Variants in NTRK3 observed in about 807,000 individuals in gnomAD.
NTRK3 encodes the protein NT-3 growth factor receptor.
Under a neutral mutation model 91.7 loss-of-function variants are expected in NTRK3, and 24 were observed. The observed-to-expected ratio is 0.26, with a 90% CI of 0.19 to 0.37. The LOEUF is 0.37. Ranked by LOEUF, NTRK3 falls within the 10% of genes least tolerant of loss-of-function variation. The probability of loss-of-function intolerance (pLI) is 1.00; values close to 1 mark genes in which losing one functional copy is unlikely to be tolerated. For missense variants in NTRK3, 880 were observed against 1,068.9 expected (o/e 0.82, Z 2.46); for synonymous variants, 483 against 404.0 (o/e 1.20, Z -2.34).
intron 17 of NTRK3, among the ~76,000 whole-genome samples, chr15:87,909,882 G>A (rs2066987230): frequency 6.6e-6 from 1 of 152,202 alleles, no homozygotes; most frequent in Non-Finnish European, 1.5e-5. Flanking sequence ...CTGAATGAAT[G>A]AACCCTGTTG....
chr15:88,022,307 AC>A (rs2077657138), intron 14 of NTRK3, among the ~76,000 whole-genome samples: 1 of 152,132 alleles, frequency 6.6e-6, no homozygotes, highest in African/African-American at 2.4e-5. Flanking sequence ...CAGGAGAAGC[AC>A]CAAAAAACCC....
At chr15:88,136,136 C>T (rs2041856173) in intron 8 of NTRK3, 96 bp from the exon 9 acceptor site, 2 of 1,487,066 alleles carry the variant, frequency 1.3e-6, no homozygotes, top group Admixed American at 3.3e-5. Context: ...AAAAGGAAAG[C>T]TGAGCGGAAG....
intron 17 of NTRK3, among the ~76,000 whole-genome samples, chr15:87,899,016 C>T (rs1257117703): frequency 2.6e-5 from 4 of 152,082 alleles, no homozygotes. Flanking sequence ...CATAACAACT[C>T]TAATTGCAAC....
At chr15:87,942,767 G>A (rs760556806) in intron 14 of NTRK3, among the ~76,000 whole-genome samples, 11 of 152,212 alleles carry the variant, frequency 7.2e-5, no homozygotes, top group Non-Finnish European at 1.6e-4. Flanking sequence ...GGGGAGAATA[G>A]TACGAGTTTA....
intron 13 of NTRK3, among the ~76,000 whole-genome samples, chr15:88,053,399 T>C (rs2045402499): frequency 1.3e-5 from 2 of 152,178 alleles, no homozygotes; most frequent in African/African-American, 4.8e-5. Flanking sequence ...TTAAGAGGGT[T>C]CCTGGGACTG....
At chr15:88,050,565 ACTC>A (rs1241769588) in intron 13 of NTRK3, among the ~76,000 whole-genome samples, 2 of 146,542 alleles carry the variant, frequency 1.4e-5, no homozygotes, top group African/African-American at 5.5e-5. Flanking sequence ...GTATACACAC[ACTC>A]ACACACACAA....
intron 3 of NTRK3, among the ~76,000 whole-genome samples, chr15:88,214,869 C>G (rs1010856763): frequency 6.6e-6 from 1 of 152,138 alleles, no homozygotes; most frequent in Non-Finnish European, 1.5e-5. Context: ...GCAGGGCTGT[C>G]GGGGCTCATC....
intron 13 of NTRK3, among the ~76,000 whole-genome samples, chr15:88,055,102 C>G (rs139176383): frequency 2.1e-3 from 327 of 152,262 alleles, no homozygotes; most frequent in Non-Finnish European, 3.9e-3. Context: ...GTGGTGCATC[C>G]AGTGAGCTTA....
At chr15:88,146,515 C>T (rs2042902446) in intron 6 of NTRK3, among the ~76,000 whole-genome samples, 1 of 152,094 alleles carries the variant, frequency 6.6e-6, no homozygotes, top group South Asian at 2.1e-4. Flanking sequence ...TGATTTATAC[C>T]CTCAACATAA....
At chr15:87,942,265 G>A (rs116926207) in intron 14 of NTRK3, among the ~76,000 whole-genome samples, 1 of 152,180 alleles carries the variant, frequency 6.6e-6, no homozygotes, top group African/African-American at 2.4e-5. Flanking sequence ...GCTGACGACC[G>A]CTCCTCCCAA....
intron 13 of NTRK3, among the ~76,000 whole-genome samples, chr15:88,089,732 C>T (rs1481783784): frequency 6.6e-6 from 1 of 152,160 alleles, no homozygotes; most frequent in Non-Finnish European, 1.5e-5. Context: ...GCTACTGGAC[C>T]CAGCAGTCCT....
chr15:88,095,376 A>G (rs1200852707), intron 13 of NTRK3, among the ~76,000 whole-genome samples: 1 of 152,156 alleles, frequency 6.6e-6, no homozygotes, highest in Non-Finnish European at 1.5e-5. Context: ...GAACTGGATG[A>G]CCCAACCCTT....
intron 13 of NTRK3, among the ~76,000 whole-genome samples, chr15:88,051,237 C>T (rs1270826731): frequency 1.3e-5 from 2 of 152,158 alleles, no homozygotes; most frequent in African/African-American, 4.8e-5. Context: ...CCTACACCTC[C>T]CAGGAACCAG....
intron 13 of NTRK3, among the ~76,000 whole-genome samples, chr15:88,086,092 G>A (rs961275733): frequency 4.6e-5 from 7 of 152,318 alleles, no homozygotes; most frequent in South Asian, 2.1e-4. Context: ...AGAGGTGTCC[G>A]ATGCCTGGAT....
chr15:87,981,167 AAAATT>A, intron 14 of NTRK3: 9 of 1,551,460 alleles, frequency 5.8e-6, no homozygotes, highest in Non-Finnish European at 3.5e-6. Flanking sequence ...CTTAAGAACC[AAAATT>A]GGTTAGGGGA....
intron 13 of NTRK3, among the ~76,000 whole-genome samples, chr15:88,118,776 G>A (rs1025496508): frequency 1.3e-5 from 2 of 152,188 alleles, no homozygotes; most frequent in African/African-American, 2.4e-5. Flanking sequence ...CACATGAGTA[G>A]CAAGGGACAA....
Position 88,235,817 on chromosome 15 carries a change from T to C in NTRK3, c.248+20089A>G, listed in dbSNP as rs1158842612. Among the ~76,000 whole-genome samples, 1 of 152,202 alleles carries C rather than the reference T, an allele frequency of 6.6e-6. No individual in the cohort carries two copies. The highest frequency in any genetic ancestry group is 1.5e-5 in the Non-Finnish European group (1 of 68,034). The stretch of plus-strand genomic sequence containing the variant: ...CTGTGCACCACAACAGGAACCCCCC[T>C]GGGGCTTTGAGTCAAACAGGATCCC... On this transcript the variant is annotated intron_variant, in intron 3 of 18. Coordinates refer to ENST00000394480, the Ensembl canonical transcript of NTRK3. This position sits in a 1 kb window ranked among gnomAD's most constrained non-coding sequence, Gnocchi z 5.2.
rs2052258750 is a variant in NTRK3, at chr15:88,240,632, T to G, written c.248+15274A>C. On this transcript the variant is annotated intron_variant, in intron 3 of 18. Transcript: ENST00000394480. This position sits in a 1 kb window ranked among gnomAD's most constrained non-coding sequence, Gnocchi z 4.9. ...GGAGACAAACCTCAGCTCTGCCACT[T>G]CCTAGCAGAACCACCTAGGGCAAGC... Among the ~76,000 whole-genome samples the G allele has an allele frequency of 6.6e-6, 1 of 152,130 alleles. No individual in the cohort carries two copies. The highest frequency in any genetic ancestry group is 1.5e-5 in the Non-Finnish European group (1 of 67,982).
intron 17 of NTRK3, among the ~76,000 whole-genome samples, chr15:87,890,185 CACA>C (rs1424975167): frequency 6.6e-6 from 1 of 152,004 alleles, no homozygotes; most frequent in African/African-American, 2.4e-5. Flanking sequence ...CCTTCTGTAA[CACA>C]ACACCAGGCA....
Sources: gnomAD v4.1 joint callset for allele counts (sites outside exome capture counted in the v4.1 genomes callset) on GRCh38, gnomAD v4.1.1 for gene constraint, Gnocchi (gnomAD v3.1) non-coding constraint, MANE v1.5 for transcripts, NCBI Gene and HGNC (gene_info 2026-07-23, HGNC 2026-07-21) for gene names.